The following SLC9A9 variants were observed in gnomAD, a reference collection of about 807,000 sequenced individuals.
The protein encoded by SLC9A9 is sodium/hydrogen exchanger 9.
In SLC9A9, 62 loss-of-function variants were observed where a neutral mutation model predicts 77.8. The ratio of observed to expected loss-of-function variants is 0.80; its 90% confidence interval spans 0.65 to 0.98. The LOEUF is 0.98. SLC9A9 is among the 50% of genes least tolerant of loss of function. The pLI is 0.00. For missense variants in SLC9A9, 775 were observed against 774.9 expected (o/e 1.00, Z 0.00); for synonymous variants, 320 against 283.5 (o/e 1.13, Z -1.29).
chr3:143,569,004 G>A (rs536816060), intron 8 of SLC9A9, among the ~76,000 whole-genome samples: 1 of 152,138 alleles, frequency 6.6e-6, no homozygotes, highest in East Asian at 1.9e-4. Context: ...GAAGACAACT[G>A]TAAAAATTTA....
At chr3:143,380,689 A>G (rs1332217157) in intron 13 of SLC9A9, among the ~76,000 whole-genome samples, 1 of 152,156 alleles carries the variant, frequency 6.6e-6, no homozygotes, top group Non-Finnish European at 1.5e-5. Flanking sequence ...TGGACAATGG[A>G]GTCTGTGGAA....
At chr3:143,829,109 C>A (rs1245898636) in intron 2 of SLC9A9, among the ~76,000 whole-genome samples, 1 of 152,100 alleles carries the variant, frequency 6.6e-6, no homozygotes, top group African/African-American at 2.4e-5. Context: ...TTGTTTTGCC[C>A]ATCTATGAAA....
intron 9 of SLC9A9, among the ~76,000 whole-genome samples, chr3:143,502,946 T>G (rs1197573696): frequency 3.9e-5 from 6 of 152,244 alleles, no homozygotes; most frequent in Non-Finnish European, 7.3e-5. Flanking sequence ...ATAGCTATTT[T>G]GAACAAAGCT....
intron 7 of SLC9A9, among the ~76,000 whole-genome samples, 177 bp from the exon 8 acceptor site, chr3:143,574,370 G>A (rs2037320987): frequency 6.6e-6 from 1 of 152,174 alleles, no homozygotes; most frequent in Admixed American, 6.5e-5. Flanking sequence ...GCCAGCACGA[G>A]TTCCATGCTT....
chr3:143,476,336 T>C (rs1264683923), intron 11 of SLC9A9, among the ~76,000 whole-genome samples: 1 of 152,252 alleles, frequency 6.6e-6, no homozygotes, highest in African/African-American at 2.4e-5. Context: ...TCTCTCTTCC[T>C]GAATTTGAAT....
At chr3:143,303,070 C>A (rs890880733) in intron 14 of SLC9A9, among the ~76,000 whole-genome samples, 8 of 152,222 alleles carry the variant, frequency 5.3e-5, no homozygotes, top group Non-Finnish European at 1.2e-4. Flanking sequence ...TTCCGGACTT[C>A]CAGTGTGACA....
intron 12 of SLC9A9, among the ~76,000 whole-genome samples, chr3:143,444,425 G>A (rs1407788376): frequency 1.3e-5 from 2 of 152,178 alleles, no homozygotes; most frequent in East Asian, 3.8e-4. Flanking sequence ...TAATGGCACA[G>A]CAGCCTAGGC....
intron 9 of SLC9A9, among the ~76,000 whole-genome samples, chr3:143,536,379 G>T (rs1211089470): frequency 1.3e-5 from 2 of 152,174 alleles, no homozygotes; most frequent in African/African-American, 4.8e-5. Flanking sequence ...TAGCCCGCTG[G>T]TTATTGTGAG....
chr3:143,472,488 A>C (rs553226128), intron 11 of SLC9A9, among the ~76,000 whole-genome samples: 13 of 152,292 alleles, frequency 8.5e-5, no homozygotes, highest in Middle Eastern at 3.4e-3. Flanking sequence ...ACCCTCATCA[A>C]AACTTCACTG....
intron 14 of SLC9A9, among the ~76,000 whole-genome samples, chr3:143,316,100 G>C (rs1227021473): frequency 6.6e-6 from 1 of 152,212 alleles, no homozygotes; most frequent in Non-Finnish European, 1.5e-5. Context: ...TAGGGATGGG[G>C]AGTTGGAGGG....
chr3:143,329,273 G>T (rs760390962), intron 14 of SLC9A9, among the ~76,000 whole-genome samples: 23 of 152,130 alleles, frequency 1.5e-4, no homozygotes, highest in Non-Finnish European at 2.8e-4. Context: ...TGGAGGTGGC[G>T]GTAGGGGAGT....
intron 4 of SLC9A9, among the ~76,000 whole-genome samples, chr3:143,767,825 T>C (rs1484225762): frequency 6.6e-6 from 1 of 152,226 alleles, no homozygotes; most frequent in Non-Finnish European, 1.5e-5. Context: ...TTCCATCTTA[T>C]AACCTAATGA....
At chr3:143,776,942 T>C (rs2007709901) in intron 4 of SLC9A9, among the ~76,000 whole-genome samples, 1 of 152,206 alleles carries the variant, frequency 6.6e-6, no homozygotes, top group Non-Finnish European at 1.5e-5. Flanking sequence ...AGGGGAATGG[T>C]ACAATATATT....
At chr3:143,314,753 C>T (rs1156271286) in intron 14 of SLC9A9, among the ~76,000 whole-genome samples, 1 of 152,218 alleles carries the variant, frequency 6.6e-6, no homozygotes, top group Non-Finnish European at 1.5e-5. Context: ...TAACTGGCCC[C>T]AGGCAAATGC....
intron 6 of SLC9A9, among the ~76,000 whole-genome samples, chr3:143,593,153 G>T (rs1295339164): frequency 6.6e-6 from 1 of 152,226 alleles, no homozygotes; most frequent in African/African-American, 2.4e-5. Context: ...AAGAAAGGAC[G>T]TAGGTAAGGT....
In SLC9A9 at chr3:143,516,606, A is replaced by T. The variant is rs867558656; in HGVS notation, c.1090-21158T>A. On this transcript the variant is annotated intron_variant, in intron 9 of 15. Coordinates refer to ENST00000316549, the MANE Select transcript of SLC9A9 (RefSeq NM_173653.4). ...TAATTACAATCAAGCAAATACATAAATCTGCTTTTAAAAATTAGAGCATTA... is the reference window on the plus strand; with the variant it reads ...TAATTACAATCAAGCAAATACATAATTCTGCTTTTAAAAATTAGAGCATTA... 3.9e-5 allele frequency among the ~76,000 whole-genome samples: 6 copies of T among 152,312 alleles called. No homozygotes were observed. In the Middle Eastern group the frequency reaches 0.01, roughly 259 times the overall value.
intron 2 of SLC9A9, among the ~76,000 whole-genome samples, chr3:143,814,432 T>C (rs1481376657): frequency 1.3e-5 from 2 of 151,984 alleles, no homozygotes; most frequent in African/African-American, 2.4e-5. Flanking sequence ...GCAGTGGCCC[T>C]ACCAGGGAGA....
At chr3:143,794,379 G>T (rs1318276872) in intron 4 of SLC9A9, among the ~76,000 whole-genome samples, 1 of 152,022 alleles carries the variant, frequency 6.6e-6, no homozygotes, top group East Asian at 1.9e-4. Flanking sequence ...TCAGAGGCTG[G>T]ATTGCCTTCA....
rs57274044 is a variant in SLC9A9 at position 143,328,469 on chromosome 3, T to C, written c.1604+35015A>G. The stretch of plus-strand genomic sequence containing the variant: ...CATAAAGAGGCATGTAAACTTCCAC[T>C]ATCTTAATGAGATGCTGATGTAACA... On this transcript the variant is annotated intron_variant, in intron 14 of 15. Transcript: ENST00000316549. Among the ~76,000 whole-genome samples, 1,182 of 152,360 alleles carry C rather than the reference T, an allele frequency of 7.8e-3. 14 individuals carry two copies. The highest frequency in any genetic ancestry group is 0.027 in the African/African-American group (1,134 of 41,582).
Sources: gnomAD v4.1 joint callset for allele counts (sites outside exome capture counted in the v4.1 genomes callset) on GRCh38, gnomAD v4.1.1 for gene constraint, MANE v1.5 for transcripts, NCBI Gene and HGNC (gene_info 2026-07-23, HGNC 2026-07-21) for gene names.